LIMA1: variants seen among roughly 807,000 people sequenced by gnomAD.
The protein encoded by LIMA1 is LIM domain and actin-binding protein 1.
A neutral mutation model predicts 62.6 loss-of-function variants in LIMA1; 52 were observed. The observed-to-expected ratio is 0.83, with a 90% CI of 0.67 to 1.05. The LOEUF (loss-of-function observed/expected upper bound fraction) is 1.05, where lower values mean the gene tolerates loss of function less well. LIMA1 is among the 50% of genes least tolerant of loss of function. The pLI, the probability that LIMA1 is intolerant of heterozygous loss-of-function variation, is 0.00. For synonymous variants in LIMA1, 302 were observed against 317.8 expected (o/e 0.95, Z 0.53); for missense variants, 780 against 902.2 (o/e 0.86, Z 1.74).
intron 7 of LIMA1, among the ~76,000 whole-genome samples, chr12:50,197,438 G>A (rs1352774659): frequency 6.6e-6 from 1 of 151,818 alleles, no homozygotes; most frequent in Non-Finnish European, 1.5e-5. Flanking sequence ...ACAAAAGCTA[G>A]GCAAACAGCC....
chr12:50,202,049 G>A (rs1447489613), intron 6 of LIMA1: 1 of 152,176 alleles, frequency 6.6e-6, no homozygotes, highest in East Asian at 1.9e-4. Flanking sequence ...ATGGCCACCA[G>A]GTCAATGAAA....
chr12:50,234,560 G>C (rs1941660707), intron 2 of LIMA1, among the ~76,000 whole-genome samples: 2 of 152,088 alleles, frequency 1.3e-5, no homozygotes. Flanking sequence ...ATGCATTGAA[G>C]TCAGCACCAC....
intron 1 of LIMA1, among the ~76,000 whole-genome samples, chr12:50,273,792 T>A (rs1350512097): frequency 6.6e-6 from 1 of 152,234 alleles, no homozygotes; most frequent in Non-Finnish European, 1.5e-5. Context: ...TCTTGAAGAT[T>A]CTAGATAGCT....
At chr12:50,182,160 A>G (rs192622836) in intron 9 of LIMA1, 123 bp from the exon 10 acceptor site, 1 of 1,002,946 alleles carries the variant, frequency 1.0e-6, no homozygotes, top group Non-Finnish European at 1.5e-6. Context: ...CTCATGGAGC[A>G]CTAAACCTGC....
intron 3 of LIMA1, among the ~76,000 whole-genome samples, chr12:50,223,227 G>A (rs1941476972): frequency 6.6e-6 from 1 of 151,886 alleles, no homozygotes; most frequent in Non-Finnish European, 1.5e-5. Flanking sequence ...GCTCACGCCT[G>A]TAATCCCAGC....
intron 3 of LIMA1, among the ~76,000 whole-genome samples, chr12:50,223,378 G>A (rs1212895499): frequency 1.3e-5 from 2 of 151,896 alleles, no homozygotes; most frequent in Non-Finnish European, 2.9e-5. Flanking sequence ...AGCTACTCTG[G>A]AGGCTGAGGC....
chr12:50,204,685 G>A lies in LIMA1; in HGVS notation c.731C>T (p.Ser244Phe). 6.2e-7 allele frequency: 1 copy of A among 1,614,088 alleles called. No homozygotes were observed. The highest frequency in any genetic ancestry group is 8.5e-7 in the Non-Finnish European group (1 of 1,180,010). The change falls in exon 6 of 11, where the codon TCT becomes TTT. Residue 244 changes from serine to phenylalanine, a missense_variant. Ser to Phe is a radical substitution (Grantham distance 155, BLOSUM62 -2). Transcript: ENST00000341247. The part of the protein sequence containing the change: ...LEIGPGQLSS[S>F]TFDSEKNESR... Reference sequence around the variant, plus strand: ...CTCATTTTTCTCCGAGTCAAATGTAGAAGATGACAACTGACCTGGAAGCAT... The same window carrying A: ...CTCATTTTTCTCCGAGTCAAATGTAAAAGATGACAACTGACCTGGAAGCAT...
intron 2 of LIMA1, among the ~76,000 whole-genome samples, chr12:50,238,872 AG>A (rs1941734329): frequency 6.6e-6 from 1 of 151,938 alleles, no homozygotes; most frequent in Non-Finnish European, 1.5e-5. Flanking sequence ...AAAATCATGA[AG>A]AAAAAAAAAA....
chr12:50,238,365 G>T (rs1941725617), intron 2 of LIMA1, among the ~76,000 whole-genome samples: 1 of 152,094 alleles, frequency 6.6e-6, no homozygotes. Flanking sequence ...AAATTAGCCA[G>T]GTGTGGTGGT....
chr12:50,271,447 C>T (rs1325216791), intron 1 of LIMA1, among the ~76,000 whole-genome samples: 1 of 152,038 alleles, frequency 6.6e-6, no homozygotes, highest in East Asian at 1.9e-4. Context: ...TGGTTCTTTC[C>T]CTCCCCGTCC....
At chr12:50,234,766 C>G (rs933793083) in intron 2 of LIMA1, among the ~76,000 whole-genome samples, 3 of 152,098 alleles carry the variant, frequency 2.0e-5, no homozygotes, top group African/African-American at 7.2e-5. Flanking sequence ...GTAATCCCAG[C>G]ACTTTGGGAG....
At chr12:50,231,866 C>T (rs957743507) in intron 2 of LIMA1, among the ~76,000 whole-genome samples, 156 bp from the exon 3 acceptor site, 1 of 152,036 alleles carries the variant, frequency 6.6e-6, no homozygotes, top group Non-Finnish European at 1.5e-5. Context: ...CTCCCGGGTT[C>T]GAGTGATTCT....
chr12:50,211,500 A>ATT (rs1354707035), intron 4 of LIMA1, among the ~76,000 whole-genome samples: 3 of 144,716 alleles, frequency 2.1e-5, no homozygotes, highest in Non-Finnish European at 4.5e-5. Flanking sequence ...AAAAAAAAAA[A>ATT]TTAGCCAGGC....
At chr12:50,253,597 T>G (rs753276370) in intron 1 of LIMA1, among the ~76,000 whole-genome samples, 6 of 152,204 alleles carry the variant, frequency 3.9e-5, no homozygotes, top group Non-Finnish European at 8.8e-5. Context: ...AGTAAGAGAA[T>G]AGTGGTGAGT....
intron 2 of LIMA1, among the ~76,000 whole-genome samples, chr12:50,238,498 C>G (rs940603688): frequency 1.3e-5 from 2 of 151,628 alleles, no homozygotes; most frequent in Non-Finnish European, 2.9e-5. Flanking sequence ...CAAAGCAAGA[C>G]TCTGTCTCAA....
At position 50,193,480 on chromosome 12, in the gene LIMA1, T is replaced by C. The variant is rs138631545; in HGVS notation, c.1031-919A>G. Reference sequence around the variant, plus strand: ...TTGTGACCTACAAGAAATTTATATATATATAGTATATATATATCATATATG... The same window carrying C: ...TTGTGACCTACAAGAAATTTATATACATATAGTATATATATATCATATATG... On this transcript the variant is annotated intron_variant, in intron 8 of 10. Coordinates refer to ENST00000341247, the MANE Select transcript of LIMA1 (RefSeq NM_016357.5). Among the ~76,000 whole-genome samples the C allele has an allele frequency of 7.0e-3, 984 of 139,614 alleles. 12 individuals are homozygous for C. Among genetic ancestry groups the C allele is most frequent in the African/African-American group, 0.025 (903 of 36,414 alleles). 91.6% of individuals were successfully genotyped at this position (139,614 alleles called of 152,430 possible). A position where few individuals can be genotyped will look rare whatever the true frequency, so the allele number is the denominator to read the frequency against.
intron 2 of LIMA1, among the ~76,000 whole-genome samples, chr12:50,232,357 G>A (rs553047237): frequency 3.4e-5 from 5 of 148,996 alleles, no homozygotes; most frequent in African/African-American, 9.9e-5. Context: ...CCACCAGCCC[G>A]GCTACTTTCT....
Position 50,192,555 on chromosome 12 carries a change from G to C in LIMA1, c.1037C>G (p.Ser346Cys), listed in dbSNP as rs546709408. The C allele has an allele frequency of 6.2e-7, 1 of 1,609,944 alleles. No homozygotes were observed. Among genetic ancestry groups the C allele is most frequent in the South Asian group, 1.1e-5 (1 of 90,994 alleles). The change falls in exon 9 of 11, where the codon TCC becomes TGC. Residue 346 changes from serine (S) to cysteine (C), a missense_variant. Ser to Cys is a moderately radical substitution (Grantham distance 112). Coordinates refer to ENST00000341247, the MANE Select transcript of LIMA1 (RefSeq NM_016357.5). The stretch of plus-strand genomic sequence containing the variant: ...CTGTTGAACCTCACTCTTAACCTGG[G>C]AGTCACCTGCTTGAGTTACAAAAGG... ...STPAEDDSRD[S>C]QVKSEVQQPV... is the part of the protein sequence containing the mutation.
intron 3 of LIMA1, 37 bp from the exon 4 acceptor site, chr12:50,222,522 C>T: frequency 1.9e-6 from 3 of 1,613,224 alleles, no homozygotes; most frequent in Non-Finnish European, 2.5e-6. Context: ...TTATAACTTG[C>T]CTGCTGAAAC....
Sources: gnomAD v4.1 joint callset for allele counts (sites outside exome capture counted in the v4.1 genomes callset) on GRCh38, gnomAD v4.1.1 for gene constraint, MANE v1.5 for transcripts, NCBI Gene and HGNC (gene_info 2026-07-23, HGNC 2026-07-21) for gene names.